Variants in PRKG1 observed in about 807,000 individuals in gnomAD.
PRKG1 encodes the protein cGMP-dependent protein kinase 1.
Under a neutral mutation model 88.1 loss-of-function variants are expected in PRKG1, and 35 were observed. The observed-to-expected ratio is 0.40, with a 90% CI of 0.30 to 0.53. PRKG1 has a LOEUF of 0.53. PRKG1 is among the 20% of genes least tolerant of loss of function. The pLI, the probability that PRKG1 is intolerant of heterozygous loss-of-function variation, is 0.59. For missense variants in PRKG1, 540 were observed against 839.8 expected (o/e 0.64, Z 4.41); for synonymous variants, 303 against 292.5 (o/e 1.04, Z -0.37).
chr10:51,163,494 G>C (rs1423136848), intron 2 of PRKG1, among the ~76,000 whole-genome samples: 2 of 152,160 alleles, frequency 1.3e-5, no homozygotes, highest in Non-Finnish European at 2.9e-5. Flanking sequence ...ATTTCCATCT[G>C]AGGTACCGGG....
At chr10:51,321,207 C>G (rs1199695428) in intron 2 of PRKG1, among the ~76,000 whole-genome samples, 2 of 152,136 alleles carry the variant, frequency 1.3e-5, no homozygotes, top group African/African-American at 4.8e-5. Context: ...CTTTACATAA[C>G]TAGGCTTCAG....
chr10:51,948,953 A>G (rs1465442196), intron 5 of PRKG1, among the ~76,000 whole-genome samples: 3 of 152,210 alleles, frequency 2.0e-5, no homozygotes, highest in Admixed American at 6.5e-5. Context: ...ATGTTTTTGA[A>G]TACCTCTCCC....
At chr10:52,211,829 G>C (rs1419377801) in intron 9 of PRKG1, among the ~76,000 whole-genome samples, 1 of 151,578 alleles carries the variant, frequency 6.6e-6, no homozygotes, top group East Asian at 1.9e-4. Context: ...TGTGATCTGT[G>C]GCAATTCTAC....
chr10:52,249,683 C>T (rs1841121229), intron 9 of PRKG1, among the ~76,000 whole-genome samples: 2 of 151,870 alleles, frequency 1.3e-5, no homozygotes, highest in South Asian at 4.1e-4. Context: ...GTTAGCTGGG[C>T]GTAGTGACGC....
chr10:50,999,672 T>C lies in PRKG1; in HGVS notation c.266+8028T>C, dbSNP rs1163540063. 2.0e-5 allele frequency among the ~76,000 whole-genome samples: 3 copies of C among 152,366 alleles called. No individual in the cohort carries two copies. The East Asian group carries it at 5.8e-4, about 29-fold the overall frequency. On this transcript the variant is annotated intron_variant, in intron 1 of 17. Coordinates refer to the PRKG1 transcript ENST00000401604. Reference sequence around the variant, plus strand: ...GTCTATTTATTCAACTATATGGTACTGTTATTGTCTAATAAGCAAATCTAT... The same window carrying C: ...GTCTATTTATTCAACTATATGGTACCGTTATTGTCTAATAAGCAAATCTAT...
At chr10:51,999,424 C>T (rs888617637) in intron 5 of PRKG1, among the ~76,000 whole-genome samples, 45 of 152,288 alleles carry the variant, frequency 3.0e-4, no homozygotes, top group Admixed American at 2.4e-3. Flanking sequence ...TTGCCAGCTT[C>T]GTAGGGATGT....
intron 3 of PRKG1, among the ~76,000 whole-genome samples, chr10:51,794,103 A>G (rs944138709): frequency 2.6e-5 from 4 of 152,170 alleles, no homozygotes; most frequent in Non-Finnish European, 5.9e-5. Context: ...ACAAAGAAAC[A>G]AAGAAGATCA....
chr10:51,396,137 G>A (rs1837570499), intron 2 of PRKG1, among the ~76,000 whole-genome samples: 1 of 152,172 alleles, frequency 6.6e-6, no homozygotes, highest in African/African-American at 2.4e-5. Context: ...TGTAATCTCC[G>A]CACTTTAGTA....
chr10:51,719,136 C>T (rs1369629224), intron 3 of PRKG1, among the ~76,000 whole-genome samples: 1 of 138,390 alleles, frequency 7.2e-6, no homozygotes, highest in Non-Finnish European at 1.6e-5. Flanking sequence ...GGAGACAGAG[C>T]AATATCCTGT....
At chr10:51,436,598 CAGAGGGACTG>C (rs1564494134) in intron 2 of PRKG1, among the ~76,000 whole-genome samples, 1 of 151,982 alleles carries the variant, frequency 6.6e-6, no homozygotes, top group Non-Finnish European at 1.5e-5. Context: ...TAAAAGGGAA[CAGAGGGACTG>C]AGAGCACACT....
chr10:51,135,969 GGA>G (rs1250383063), intron 1 of PRKG1, among the ~76,000 whole-genome samples: 5 of 141,614 alleles, frequency 3.5e-5, no homozygotes, highest in East Asian at 4.5e-4. Context: ...CTGTTGTGGG[GGA>G]AGGGGGGAGG....
intron 1 of PRKG1, among the ~76,000 whole-genome samples, chr10:51,007,134 G>T (rs1347850563): frequency 2.0e-5 from 3 of 151,638 alleles, no homozygotes. Context: ...AGATGTGGGG[G>T]GTGGGTTTCA....
At chr10:51,278,652 G>A (rs894904003) in intron 2 of PRKG1, among the ~76,000 whole-genome samples, 7 of 152,138 alleles carry the variant, frequency 4.6e-5, no homozygotes, top group African/African-American at 7.2e-5. Context: ...GTCTATTCAG[G>A]GATTCAACTT....
At chr10:51,284,865 C>CTTTTTTTTTTTTTTTTTTTTTTAGTT (rs1840395637) in intron 2 of PRKG1, among the ~76,000 whole-genome samples, 1 of 51,698 alleles carries the variant, frequency 1.9e-5, no homozygotes, top group African/African-American at 7.2e-5. Flanking sequence ...GTTGTGGGTA[C>CTTTTTTTTTTTTTTTTTTTTTTAGTT]TTTTTTTTTT....
At chr10:51,274,707 A>G (rs931413160) in intron 2 of PRKG1, among the ~76,000 whole-genome samples, 2 of 152,224 alleles carry the variant, frequency 1.3e-5, no homozygotes, top group African/African-American at 4.8e-5. Context: ...CTTACAACAC[A>G]TCTTAAAAAG....
At chr10:52,146,634 T>C (rs557188013) in intron 8 of PRKG1, among the ~76,000 whole-genome samples, 107 of 152,322 alleles carry the variant, frequency 7.0e-4, no homozygotes, top group Non-Finnish European at 1.3e-3. Flanking sequence ...TTTACCACGT[T>C]GCATTAGCAA....
intron 1 of PRKG1, among the ~76,000 whole-genome samples, chr10:51,022,178 T>C (rs1271822778): frequency 6.6e-6 from 1 of 152,148 alleles, no homozygotes; most frequent in Non-Finnish European, 1.5e-5. Context: ...CACCAGAACA[T>C]TGGAGCAGTT....
intron 1 of PRKG1, among the ~76,000 whole-genome samples, chr10:51,015,078 C>A (rs940092626): frequency 3.3e-5 from 5 of 152,196 alleles, no homozygotes; most frequent in African/African-American, 1.2e-4. Flanking sequence ...CAGCAAAAAA[C>A]CACACCCATA....
chr10:52,268,591 C>G (rs2132427645), intron 10 of PRKG1, among the ~76,000 whole-genome samples: 1 of 152,046 alleles, frequency 6.6e-6, no homozygotes, highest in South Asian at 2.1e-4. Context: ...TTAGTCGATT[C>G]CGTTAAACTC....
Sources: allele counts gnomAD v4.1 joint callset (sites outside exome capture counted in the v4.1 genomes callset), GRCh38; gene constraint gnomAD v4.1.1; transcripts MANE v1.5; gene names NCBI Gene and HGNC (gene_info 2026-07-23, HGNC 2026-07-21).